NXPE2: variants seen among roughly 807,000 people sequenced by gnomAD.
The protein encoded by NXPE2 is NXPE family member 2.
NXPE2 carries 34 observed loss-of-function variants against 34.4 expected under a neutral mutation model. That is an observed-to-expected ratio of 0.99 (90% CI 0.75 to 1.31). The LOEUF (loss-of-function observed/expected upper bound fraction) is 1.31. Among genes scored for constraint, NXPE2 ranks in the 40% most tolerant of loss-of-function variants. The probability of loss-of-function intolerance (pLI) is 0.00; values close to 1 mark genes in which losing one functional copy is unlikely to be tolerated. For missense variants in NXPE2, 649 were observed against 672.5 expected (o/e 0.97, Z 0.39); for synonymous variants, 235 against 231.3 (o/e 1.02, Z -0.15).
At chr11:114,567,380 G>A in the NXPE2 span, among the ~76,000 whole-genome samples, 153 of 152,014 alleles carry the variant, frequency 1.0e-3, no homozygotes, top group African/African-American at 2.9e-3. Flanking sequence ...ATTCCCTTCT[G>A]CTTGTCCAGC....
chr11:114,522,198 T>C, the NXPE2 span: 2 of 1,614,112 alleles, frequency 1.2e-6, no homozygotes, highest in Non-Finnish European at 1.7e-6. Flanking sequence ...ATAATCACTT[T>C]AGTGGCTGGG....
the NXPE2 span, among the ~76,000 whole-genome samples, chr11:114,546,936 A>T: frequency 5.5e-3 from 836 of 152,318 alleles, 10 homozygotes; most frequent in African/African-American, 0.018. Context: ...TATGAAATAA[A>T]TATCTATGAA....
the NXPE2 span, among the ~76,000 whole-genome samples, chr11:114,650,852 G>A: frequency 2.6e-5 from 4 of 152,134 alleles, no homozygotes; most frequent in African/African-American, 9.6e-5. Flanking sequence ...GAGTCTCACT[G>A]CTGCCCTACC....
the NXPE2 span, among the ~76,000 whole-genome samples, chr11:114,639,247 CTG>C: frequency 6.6e-6 from 1 of 152,030 alleles, no homozygotes; most frequent in African/African-American, 2.4e-5. Flanking sequence ...CAGCGAGACT[CTG>C]TGGGCATAGG....
the NXPE2 span, among the ~76,000 whole-genome samples, chr11:114,521,281 C>A: frequency 1.3e-5 from 2 of 152,188 alleles, no homozygotes; most frequent in Non-Finnish European, 2.9e-5. Flanking sequence ...TCTTGCATGT[C>A]TCTTTTTGTA....
the NXPE2 span, among the ~76,000 whole-genome samples, chr11:114,608,202 G>A: frequency 6.9e-3 from 1,047 of 151,418 alleles, 12 homozygotes; most frequent in East Asian, 0.013. Flanking sequence ...ATGGTTACCC[G>A]GTGGATAATA....
intron 2 of NXPE2, among the ~76,000 whole-genome samples, chr11:114,687,782 G>A (rs760803547): frequency 6.6e-6 from 1 of 152,064 alleles, no homozygotes; most frequent in African/African-American, 2.4e-5. Flanking sequence ...TCTCCTCAAC[G>A]TTTTGTAGTT....
the NXPE2 span, among the ~76,000 whole-genome samples, chr11:114,538,905 A>G: frequency 6.6e-6 from 1 of 152,172 alleles, no homozygotes; most frequent in East Asian, 1.9e-4. Context: ...AACTAGAAAT[A>G]CCATTTGACC....
chr11:114,761,902 C>T, the NXPE2 span, among the ~76,000 whole-genome samples: 3 of 152,214 alleles, frequency 2.0e-5, no homozygotes, highest in East Asian at 1.9e-4. Context: ...AAACTATTCA[C>T]TTATTTAACT....
the NXPE2 span, among the ~76,000 whole-genome samples, chr11:114,493,458 C>G: frequency 1.6e-4 from 25 of 152,132 alleles, no homozygotes; most frequent in African/African-American, 5.8e-4. Context: ...GTTTTAACTT[C>G]TTGCTTTTTA....
chr11:114,528,281 G>A, the NXPE2 span, among the ~76,000 whole-genome samples: 2 of 152,146 alleles, frequency 1.3e-5, no homozygotes. Flanking sequence ...GCAAGTCTCA[G>A]TTTTATCCCA....
At chr11:114,617,935 A>G in the NXPE2 span, among the ~76,000 whole-genome samples, 1 of 151,954 alleles carries the variant, frequency 6.6e-6, no homozygotes, top group Non-Finnish European at 1.5e-5. Context: ...TCTGCTGCAT[A>G]ATAAGTATTG....
the NXPE2 span, among the ~76,000 whole-genome samples, chr11:114,787,209 T>G: frequency 6.6e-6 from 1 of 151,908 alleles, no homozygotes; most frequent in Admixed American, 6.5e-5. Context: ...AAAGGGAAAG[T>G]GGGGAAAAAA....
At chr11:114,540,356 T>C in the NXPE2 span, among the ~76,000 whole-genome samples, 3 of 152,178 alleles carry the variant, frequency 2.0e-5, no homozygotes, top group African/African-American at 2.4e-5. Context: ...CATTTACATA[T>C]AGCAACATGA....
the NXPE2 span, among the ~76,000 whole-genome samples, chr11:114,659,465 A>T: frequency 6.6e-6 from 1 of 152,154 alleles, no homozygotes; most frequent in Non-Finnish European, 1.5e-5. Flanking sequence ...TGAAGAAAAA[A>T]AAAACAGTAC....
chr11:114,663,376 G>A, the NXPE2 span, among the ~76,000 whole-genome samples: 2 of 152,140 alleles, frequency 1.3e-5, no homozygotes. Flanking sequence ...TCCTGTTCAA[G>A]AGTTAGGACT....
chr11:114,539,003 TATTCACA>T, the NXPE2 span, among the ~76,000 whole-genome samples: 24,267 of 151,962 alleles, frequency 0.16, 2,077 homozygotes, highest in South Asian at 0.23. Context: ...ATTGAGGCAC[TATTCACA>T]ATAGCAAAGA....
the NXPE2 span, among the ~76,000 whole-genome samples, chr11:114,624,297 G>A: frequency 3.3e-4 from 50 of 151,866 alleles, no homozygotes; most frequent in African/African-American, 1.1e-3. Context: ...ACTGTTACCC[G>A]GTGGATAATA....
the NXPE2 span, among the ~76,000 whole-genome samples, chr11:114,719,516 G>T: frequency 1.3e-5 from 2 of 152,214 alleles, no homozygotes; most frequent in Non-Finnish European, 2.9e-5. Flanking sequence ...ACGTTTGCCC[G>T]TTCTGTTGTC....
Sources: allele counts gnomAD v4.1 joint callset (sites outside exome capture counted in the v4.1 genomes callset), GRCh38; gene constraint gnomAD v4.1.1; transcripts MANE v1.5; gene names NCBI Gene and HGNC (gene_info 2026-07-23, HGNC 2026-07-21).